Variants in ULK4 observed in about 807,000 individuals in gnomAD.
ULK4 encodes inactive serine/threonine-protein kinase ULK4.
In ULK4, 133 loss-of-function variants were observed where a neutral mutation model predicts 160.6. That is an observed-to-expected ratio of 0.83 (90% CI 0.72 to 0.96). The LOEUF (loss-of-function observed/expected upper bound fraction) is 0.96. Among genes scored for constraint, ULK4 ranks in the 40% least tolerant of loss-of-function variants. The pLI is 0.00. For missense variants in ULK4, 1,580 were observed against 1,499.5 expected (o/e 1.05, Z -0.89); for synonymous variants, 534 against 539.8 (o/e 0.99, Z 0.15).
intron 35 of ULK4, among the ~76,000 whole-genome samples, chr3:41,260,879 T>A (rs2078927204): frequency 6.6e-6 from 1 of 152,206 alleles, no homozygotes; most frequent in Non-Finnish European, 1.5e-5. Context: ...TCTGTCACCC[T>A]CTGCATGAAG....
intron 19 of ULK4, among the ~76,000 whole-genome samples, chr3:41,806,147 T>A (rs2040635576): frequency 2.0e-5 from 3 of 147,724 alleles, no homozygotes; most frequent in African/African-American, 7.7e-5. Flanking sequence ...TATTGATTAT[T>A]GCCACAATTT....
intron 4 of ULK4, 121 bp downstream of exon 4, chr3:41,935,680 G>A: frequency 8.1e-7 from 1 of 1,229,598 alleles, no homozygotes; most frequent in South Asian, 1.6e-5. Flanking sequence ...TTTAAAAAAA[G>A]ATTAACTAAA....
chr3:41,420,475 C>CTTTTTTTTTTTTTTTTTTTTTTTTTTT (rs1165381982), intron 34 of ULK4, among the ~76,000 whole-genome samples: 5 of 41,178 alleles, frequency 1.2e-4, no homozygotes, highest in Non-Finnish European at 2.1e-4. Context: ...CCAGTTCTTT[C>CTTTTTTTTTTTTTTTTTTTTTTTTTTT]TTTTTTTTTT....
At position 41,495,345 on chromosome 3, in the gene ULK4, C is replaced by T. The variant is rs558141290; in HGVS notation, c.3227-32092G>A. ...AATGGGGAAAGGATTCCCTATTTAACAAATGGTGCTGGGAAAACTGGCTAG... is the reference window on the plus strand; with the variant it reads ...AATGGGGAAAGGATTCCCTATTTAATAAATGGTGCTGGGAAAACTGGCTAG... On this transcript the variant is annotated intron_variant, in intron 32 of 36. Coordinates refer to ENST00000301831, the MANE Select transcript of ULK4 (RefSeq NM_017886.4). 6.6e-3 allele frequency among the ~76,000 whole-genome samples: 1,007 copies of T among 151,838 alleles called. 12 individuals are homozygous for T. Among genetic ancestry groups the T allele is most frequent in the African/African-American group, 0.023 (952 of 41,398 alleles).
intron 22 of ULK4, among the ~76,000 whole-genome samples, chr3:41,745,985 A>G (rs1260931410): frequency 1.3e-5 from 2 of 151,358 alleles, no homozygotes; most frequent in East Asian, 3.8e-4. Context: ...TTGGAGATAA[A>G]GAATAAGAAT....
chr3:41,542,424 T>G (rs1402876627), intron 32 of ULK4, among the ~76,000 whole-genome samples: 1 of 152,236 alleles, frequency 6.6e-6, no homozygotes, highest in Non-Finnish European at 1.5e-5. Context: ...TGGATTTGGT[T>G]TGCCAGTATT....
At chr3:41,466,613 T>C (rs1213339997) in intron 32 of ULK4, among the ~76,000 whole-genome samples, 2 of 152,156 alleles carry the variant, frequency 1.3e-5, no homozygotes, top group Admixed American at 6.5e-5. Flanking sequence ...CAAGATTTCT[T>C]AGGATCCCAA....
At chr3:41,430,995 T>C (rs1461415876) in intron 34 of ULK4, among the ~76,000 whole-genome samples, 13 of 152,188 alleles carry the variant, frequency 8.5e-5, no homozygotes, top group Admixed American at 8.5e-4. Context: ...CACCTAGGAA[T>C]TGTATATTGT....
chr3:41,718,747 C>T (rs1325555131), intron 22 of ULK4, among the ~76,000 whole-genome samples: 2 of 152,182 alleles, frequency 1.3e-5, no homozygotes, highest in Admixed American at 6.5e-5. Context: ...CAACCAATTT[C>T]CATTGTAAAT....
chr3:41,561,791 T>C (rs1422987846), intron 32 of ULK4, among the ~76,000 whole-genome samples: 4 of 152,168 alleles, frequency 2.6e-5, no homozygotes, highest in South Asian at 2.1e-4. Context: ...TATTAAGTCG[T>C]TGATCTTTTG....
At chr3:41,689,085 C>A (rs1385428880) in intron 27 of ULK4, among the ~76,000 whole-genome samples, 1 of 152,146 alleles carries the variant, frequency 6.6e-6, no homozygotes, top group Non-Finnish European at 1.5e-5. Flanking sequence ...TCTAATGAGC[C>A]CACTTCCAGT....
chr3:41,373,503 C>G (rs926980265), intron 35 of ULK4, among the ~76,000 whole-genome samples: 1 of 152,174 alleles, frequency 6.6e-6, no homozygotes, highest in Non-Finnish European at 1.5e-5. Context: ...GGCACAACTA[C>G]GTGGAAGCTG....
chr3:41,904,661 C>T (rs1698490562), intron 12 of ULK4, among the ~76,000 whole-genome samples: 1 of 152,034 alleles, frequency 6.6e-6, no homozygotes, highest in African/African-American at 2.4e-5. Flanking sequence ...TTATTATAAC[C>T]CATTTATACT....
intron 35 of ULK4, among the ~76,000 whole-genome samples, chr3:41,379,213 A>T (rs2081591874): frequency 6.6e-6 from 1 of 151,334 alleles, no homozygotes; most frequent in South Asian, 2.1e-4. Flanking sequence ...TAAAAAAAAA[A>T]TAGTGAAAAA....
At chr3:41,618,132 C>G (rs1438480466) in intron 30 of ULK4, among the ~76,000 whole-genome samples, 1 of 152,034 alleles carries the variant, frequency 6.6e-6, no homozygotes, top group Non-Finnish European at 1.5e-5. Flanking sequence ...TGTGAAAAGA[C>G]CAAACCTATG....
intron 19 of ULK4, among the ~76,000 whole-genome samples, chr3:41,803,806 G>A (rs1218000410): frequency 6.6e-6 from 1 of 152,102 alleles, no homozygotes; most frequent in African/African-American, 2.4e-5. Flanking sequence ...CCCTACAAAG[G>A]ACATGAACTC....
At chr3:41,691,936 ATCACT>A (rs1201182595) in intron 27 of ULK4, among the ~76,000 whole-genome samples, 5 of 147,894 alleles carry the variant, frequency 3.4e-5, no homozygotes, top group African/African-American at 1.0e-4. Context: ...TCTTCATCAA[ATCACT>A]TCTTTTTTTT....
At chr3:41,805,465 T>C (rs2040612123) in intron 19 of ULK4, among the ~76,000 whole-genome samples, 1 of 152,226 alleles carries the variant, frequency 6.6e-6, no homozygotes. Flanking sequence ...CCTAATTGAA[T>C]ATCTTTTATT....
intron 31 of ULK4, among the ~76,000 whole-genome samples, chr3:41,611,309 T>C (rs532547748): frequency 2.6e-5 from 4 of 152,176 alleles, no homozygotes; most frequent in Non-Finnish European, 4.4e-5. Flanking sequence ...GGGGCTCTGC[T>C]TGGGGAACAG....
Sources: allele counts gnomAD v4.1 joint callset (sites outside exome capture counted in the v4.1 genomes callset), GRCh38; gene constraint gnomAD v4.1.1; transcripts MANE v1.5; gene names NCBI Gene and HGNC (gene_info 2026-07-23, HGNC 2026-07-21).